The following NUP85 variants were observed in gnomAD, a reference collection of about 807,000 sequenced individuals.
NUP85 encodes the protein nucleoporin 85, also known as nuclear pore complex protein Nup85.
Under a neutral mutation model 92.8 loss-of-function variants are expected in NUP85, and 23 were observed. The observed-to-expected ratio is 0.25, with a 90% confidence interval of 0.18 to 0.35. NUP85 has a LOEUF of 0.35. Among genes scored for constraint, NUP85 ranks in the 10% least tolerant of loss-of-function variants. NUP85 has a pLI of 1.00. For synonymous variants in NUP85, 314 were observed against 306.9 expected (o/e 1.02, Z -0.24); for missense variants, 759 against 822.8 (o/e 0.92, Z 0.95).
rs1453229068 is a variant in NUP85, at chr17:75,235,736, A to G, written c.*57A>G. 2 of 1,324,278 alleles carry G rather than the reference A, an allele frequency of 1.5e-6. No individual in the cohort carries two copies. The highest frequency in any genetic ancestry group is 1.2e-5 in the South Asian group (1 of 82,282). 82.0% of individuals were successfully genotyped at this position (1,324,278 alleles called of 1,614,324 possible). A position where few individuals can be genotyped will look rare whatever the true frequency, so the allele number is the denominator to read the frequency against. ...AATGTATATAGATTTTTTTAAAAGA[A>G]TAAATGTTGTTTTGCAAATGTAGGT... On this transcript the variant is annotated 3_prime_UTR_variant, in exon 19 of 19. Transcript: ENST00000245544.
In NUP85 at chr17:75,225,453, T is replaced by A; in HGVS notation, c.844T>A (p.Ser282Thr). The change falls in exon 9 of 19, where the codon TCT becomes ACT. Residue 282 changes from serine (S) to threonine (T), a missense_variant. Coordinates refer to ENST00000245544, the MANE Select transcript of NUP85 (RefSeq NM_024844.5). ...ATTCGCCACCAGCCCTCACCTGGAG[T>A]CTCTCTTGAAGGTCTGGGAAGCAGT... ...STFATSPHLE[S>T]LLKIMLGDEA... 1 of 1,613,420 alleles carries A rather than the reference T, an allele frequency of 6.2e-7. No individual in the cohort carries two copies. The highest frequency in any genetic ancestry group is 1.1e-5 in the South Asian group (1 of 91,070).
chr17:75,233,765 A>AT (rs1470214906), intron 16 of NUP85, among the ~76,000 whole-genome samples: 4 of 151,480 alleles, frequency 2.6e-5, no homozygotes, highest in Non-Finnish European at 5.9e-5. Context: ...CACCCAGCTA[A>AT]TTTTTTGTAT....
chr17:75,218,933 CAG>C (rs758545338), intron 7 of NUP85, among the ~76,000 whole-genome samples: 109 of 152,112 alleles, frequency 7.2e-4, no homozygotes, highest in Non-Finnish European at 1.0e-3. Flanking sequence ...AACCAATTGA[CAG>C]GGGCTGGGGT....
At chr17:75,217,996 A>G (rs767828662) in intron 6 of NUP85, among the ~76,000 whole-genome samples, 189 bp from the exon 7 acceptor site, 7 of 152,154 alleles carry the variant, frequency 4.6e-5, no homozygotes, top group Non-Finnish European at 8.8e-5. Flanking sequence ...CACAGAAGTA[A>G]TATTTGGTGA....
intron 7 of NUP85, among the ~76,000 whole-genome samples, chr17:75,222,122 C>T (rs2075614490): frequency 6.6e-6 from 1 of 152,058 alleles, no homozygotes; most frequent in Non-Finnish European, 1.5e-5. Flanking sequence ...CAGCTCACTG[C>T]AGCCTTGACC....
chr17:75,234,841 T>G lies in NUP85; in HGVS notation c.1767+53T>G, dbSNP rs752605043. 10 of 1,603,206 alleles carry G rather than the reference T, an allele frequency of 6.2e-6. No homozygotes were observed. In the Admixed American group the frequency reaches 6.7e-5, roughly 11 times the overall value. On this transcript the variant is annotated intron_variant, in intron 17 of 18. Transcript: ENST00000245544. ...TTTGCTTGTCAGTCCCTGCTAGAGC[T>G]TAGTTGTATAGCTGTTGCCGATGTG...
Position 75,231,497 on chromosome 17 carries a change from G to GA in NUP85, c.1179-73dup. ...CGAGGGTGGTGTGAACTGAATGCCT[G>GA]AAAGGGAGGTTGGGCTAAGGGGGCC... On this transcript the variant is annotated intron_variant, in intron 12 of 18. Transcript: ENST00000245544. This position sits in a 1 kb window ranked among gnomAD's most constrained non-coding sequence, Gnocchi z 4.6. 2 of 1,609,600 alleles carry GA rather than the reference G, an allele frequency of 1.2e-6. No homozygotes were observed. The highest frequency in any genetic ancestry group is 2.2e-5 in the South Asian group (2 of 90,994).
intron 7 of NUP85, 152 bp downstream of exon 7, chr17:75,218,458 T>C: frequency 1.1e-6 from 1 of 883,722 alleles, no homozygotes; most frequent in Non-Finnish European, 1.7e-6. Context: ...TCTTCCCTGC[T>C]CTATGGGAGA....
Position 75,232,543 on chromosome 17 carries a change from C to T in NUP85, c.1397-308C>T, listed in dbSNP as rs79203427. Among the ~76,000 whole-genome samples, 8 of 151,910 alleles carry T rather than the reference C, an allele frequency of 5.3e-5. No individual in the cohort carries two copies. The East Asian group carries it at 9.7e-4, about 18-fold the overall frequency. ...TGGAGAGGTAATAGAAGAGCTGACA[C>T]GTAGGGAGAAACACGTAGGGAGAAA... On this transcript the variant is annotated intron_variant, in intron 14 of 18. Coordinates refer to ENST00000245544, the MANE Select transcript of NUP85 (RefSeq NM_024844.5).
chr17:75,228,816 C>G (rs1403968171), intron 11 of NUP85: 1 of 985,232 alleles, frequency 1.0e-6, no homozygotes, highest in Non-Finnish European at 1.2e-6. Context: ...CGTGCCAGAC[C>G]CTAAGGGGCA....
rs368696821 is a variant in NUP85 at position 75,231,444 on chromosome 17, G to T, written c.1178+21G>T. 2 of 1,613,424 alleles carry T rather than the reference G, an allele frequency of 1.2e-6. No individual in the cohort carries two copies. Among genetic ancestry groups the T allele is most frequent in the South Asian group, 1.1e-5 (1 of 91,040 alleles). On this transcript the variant is annotated intron_variant, in intron 12 of 18. Coordinates refer to ENST00000245544, the MANE Select transcript of NUP85 (RefSeq NM_024844.5). The surrounding 1 kb of genome is among the most constrained non-coding windows in gnomAD (Gnocchi z 4.6). Reference sequence around the variant, plus strand: ...CTCTAGTAAGTGGCCGGGAGGCACCGATCCTCCTCTTCTTACCACCAGGCC... The same window carrying T: ...CTCTAGTAAGTGGCCGGGAGGCACCTATCCTCCTCTTCTTACCACCAGGCC...
chr17:75,225,625 C>T (rs2075763798), intron 9 of NUP85, 73 bp from the exon 10 acceptor site: 2 of 1,594,600 alleles, frequency 1.3e-6, no homozygotes, highest in South Asian at 2.3e-5. Context: ...GTGCCCTTAG[C>T]TGAGAGCAGG....
At chr17:75,212,598 A>G (rs779400946) in intron 4 of NUP85, among the ~76,000 whole-genome samples, 6 of 150,404 alleles carry the variant, frequency 4.0e-5, no homozygotes, top group Admixed American at 6.7e-5. Context: ...TCATCCTTCC[A>G]AGTAGTTGGG....
intron 11 of NUP85, chr17:75,227,030 A>C: frequency 4.6e-6 from 1 of 219,520 alleles, no homozygotes; most frequent in Non-Finnish European, 9.3e-6. Flanking sequence ...ACCTTTCCAG[A>C]ACTCTCCATA....
intron 11 of NUP85, among the ~76,000 whole-genome samples, chr17:75,229,323 C>A (rs1598331996): frequency 6.6e-6 from 1 of 152,134 alleles, no homozygotes; most frequent in East Asian, 1.9e-4. Flanking sequence ...GAGCCCCCAA[C>A]AAGCAAGATG....
chr17:75,232,843 CT>C lies in NUP85; in HGVS notation c.1397-7del, dbSNP rs746659980. 6.2e-7 allele frequency: 1 copy of C among 1,613,140 alleles called. No individual in the cohort carries two copies. Among genetic ancestry groups the C allele is most frequent in the Non-Finnish European group, 8.5e-7 (1 of 1,179,142 alleles). ...AAAGCCGTTTACCTTTTCTTTTCCCCTGCAAAGTTCGCAGCATTTGTAAGAT... is the reference window on the plus strand; with the variant it reads ...AAAGCCGTTTACCTTTTCTTTTCCCCGCAAAGTTCGCAGCATTTGTAAGAT... On this transcript the variant is annotated splice_region_variant and splice_polypyrimidine_tract_variant and intron_variant, in intron 14 of 18. Coordinates refer to ENST00000245544, the MANE Select transcript of NUP85 (RefSeq NM_024844.5).
At chr17:75,224,884 G>C (rs1279841670) in intron 7 of NUP85, among the ~76,000 whole-genome samples, 1 of 151,366 alleles carries the variant, frequency 6.6e-6, no homozygotes, top group East Asian at 1.9e-4. Flanking sequence ...CTGGCTGTTT[G>C]AAAAACATAG....
At position 75,233,144 on chromosome 17, in the gene NUP85, G is replaced by A. The variant is rs745847665; in HGVS notation, c.1601G>A (p.Arg534Gln). 30 of 1,613,862 alleles carry A rather than the reference G, an allele frequency of 1.9e-5. No individual in the cohort carries two copies. Among genetic ancestry groups the A allele is most frequent in the East Asian group, 4.5e-5 (2 of 44,886 alleles). The change falls in exon 16 of 19, where the codon CGA (arginine) becomes CAA (glutamine). Residue 534 changes from arginine to glutamine, a missense_variant. Arg to Gln is a conservative substitution (Grantham distance 43, BLOSUM62 1). Transcript: ENST00000245544. Reference sequence around the variant, plus strand: ...GGGCCAGCCATGATGCTCAGTGACCGACTGACATTCCTGGGTGAGTCTCTG... The same window carrying A: ...GGGCCAGCCATGATGCTCAGTGACCAACTGACATTCCTGGGTGAGTCTCTG... Reference protein sequence around the residue: ...NLGPAMMLSDRLTFLGKYREF... With the variant: ...NLGPAMMLSDQLTFLGKYREF...
At chr17:75,232,726 T>C (rs2076120732) in intron 14 of NUP85, 125 bp from the exon 15 acceptor site, 3 of 819,688 alleles carry the variant, frequency 3.7e-6, no homozygotes, top group Admixed American at 1.7e-5. Flanking sequence ...TCCAGCTGCA[T>C]TTAGAGCCCA....
Sources: gnomAD v4.1 joint callset for allele counts (sites outside exome capture counted in the v4.1 genomes callset) on GRCh38, gnomAD v4.1.1 for gene constraint, Gnocchi (gnomAD v3.1) non-coding constraint, MANE v1.5 for transcripts, NCBI Gene and HGNC (gene_info 2026-07-23, HGNC 2026-07-21) for gene names.